Variants in ZNF160 observed in about 807,000 individuals in gnomAD.
The protein encoded by ZNF160 is zinc finger protein 160.
A neutral mutation model predicts 13.1 loss-of-function variants in ZNF160; 9 were observed. That is an observed-to-expected ratio of 0.69 (90% CI 0.41 to 1.20). ZNF160 has a LOEUF of 1.20. Among genes scored for constraint, ZNF160 ranks in the 50% most tolerant of loss-of-function variants. ZNF160 has a pLI of 0.01. For synonymous variants in ZNF160, 293 were observed against 333.2 expected (o/e 0.88, Z 1.31); for missense variants, 838 against 988.0 (o/e 0.85, Z 2.04).
Position 53,068,972 on chromosome 19 carries a change from C to A in ZNF160, c.1562G>T (p.Arg521Leu). Residue 521 changes from arginine to leucine, a missense_variant, in exon 6 of 6, where the codon CGT (arginine) becomes CTT (leucine). Physicochemically the swap from Arg to Leu is moderately radical, Grantham distance 102. This residue lies in a region of ZNF160 where 400 missense variants were observed against 538.9 expected (regional missense o/e 0.74). Coordinates refer to ENST00000683776, the MANE Select transcript of ZNF160 (RefSeq NM_001322131.2). Reference sequence around the variant, plus strand: ...TGCCTGATGGGTAGTCAGACTTGAACGAACACTGAAGGCTTTCCCACACTC... The same window carrying A: ...TGCCTGATGGGTAGTCAGACTTGAAAGAACACTGAAGGCTTTCCCACACTC... ...CNECGKAFSV[R>L]SSLTTHQAIH... 1 of 1,610,766 alleles carries A rather than the reference C, an allele frequency of 6.2e-7. No homozygotes were observed. Among genetic ancestry groups the A allele is most frequent in the Non-Finnish European group, 8.5e-7 (1 of 1,178,906 alleles).
At chr19:53,087,151 C>G (rs1360425251) in intron 2 of ZNF160, among the ~76,000 whole-genome samples, 1 of 152,138 alleles carries the variant, frequency 6.6e-6, no homozygotes, top group Non-Finnish European at 1.5e-5. Flanking sequence ...AGAGGGCCAG[C>G]CCACATGGAA....
intron 5 of ZNF160, chr19:53,073,128 C>T (rs1177149800): frequency 1.8e-5 from 23 of 1,267,510 alleles, no homozygotes; most frequent in Non-Finnish European, 2.4e-5. Flanking sequence ...TCTCCCTATT[C>T]CCTCCAGTCC....
At position 53,091,710 on chromosome 19, in the gene ZNF160, C is replaced by T. The variant is rs373266130; in HGVS notation, c.-343G>A. 6.6e-6 allele frequency: 1 copy of T among 152,328 alleles called. No individual in the cohort carries two copies. The highest frequency in any genetic ancestry group is 2.4e-5 in the African/African-American group (1 of 41,562). 9.4% of individuals were successfully genotyped at this position (152,328 alleles called of 1,614,324 possible). On this transcript the variant is annotated 5_prime_UTR_variant, in exon 2 of 6. It introduces an in-frame stop codon into an upstream open reading frame of the 5' UTR. Transcript: ENST00000683776. ...GTCGTCAGGGGGCAGTGTTCGGATC[C>T]AGGAACGTTTCTGCAATTAAAATTA...
At chr19:53,086,384 G>T in intron 2 of ZNF160, 63 bp from the exon 3 acceptor site, 1 of 1,426,254 alleles carries the variant, frequency 7.0e-7, no homozygotes, top group Non-Finnish European at 9.4e-7. Flanking sequence ...GCTGCTTAGG[G>T]CTGAGAATCT....
intron 2 of ZNF160, among the ~76,000 whole-genome samples, chr19:53,089,925 C>G (rs1194803147): frequency 1.3e-5 from 2 of 151,896 alleles, no homozygotes; most frequent in Non-Finnish European, 2.9e-5. Context: ...TCCCCCTGTT[C>G]TGCTCCATTC....
At position 53,068,898 on chromosome 19, in the gene ZNF160, A is replaced by C; in HGVS notation, c.1636T>G (p.Phe546Val). 6.2e-7 allele frequency: 1 copy of C among 1,614,070 alleles called. No individual in the cohort carries two copies. The highest frequency in any genetic ancestry group is 8.5e-7 in the Non-Finnish European group (1 of 1,180,008). The change falls in exon 6 of 6, where the codon TTC becomes GTC. Residue 546 changes from phenylalanine (F) to valine (V), a missense_variant. Phe to Val is a conservative substitution (Grantham distance 50, BLOSUM62 -1). This residue lies in a region of ZNF160 where 400 missense variants were observed against 538.9 expected (regional missense o/e 0.74). Transcript: ENST00000683776. ...PYKCIECGKS[F>V]TQKSHLRSHR... ...CTTCTAAGGTGTGATTTTTGAGTGA[A>C]GCTCTTGCCACATTCAATACATTTG...
In ZNF160 at chr19:53,067,812, G is replaced by T; in HGVS notation, c.*265C>A. On this transcript the variant is annotated 3_prime_UTR_variant, in exon 6 of 6. Transcript: ENST00000683776. The stretch of plus-strand genomic sequence containing the variant: ...TCCTAGGAATCCTCACTTACCATCG[G>T]TCACTGGGTAATGGCCTCAGGATGC... 2.7e-6 allele frequency: 1 copy of T among 374,166 alleles called. No individual in the cohort carries two copies. Among genetic ancestry groups the T allele is most frequent in the Non-Finnish European group, 4.8e-6 (1 of 209,602 alleles). The allele number at this position is 374,166 out of a possible 1,614,324, so 23.2% of individuals were successfully genotyped here.
chr19:53,068,626 A>C lies in ZNF160; in HGVS notation c.1908T>G (p.Leu636=). Residue 636 remains leucine, a synonymous_variant, in exon 6 of 6, where the codon CTT becomes CTG. Transcript: ENST00000683776. ...CGKVFRHNSY[L]ATHRRIHTGE... Reference sequence around the variant, plus strand: ...CAGTATGAATTCGCCGATGAGTTGCAAGGTATGAATTGTGCCTAAAAACCT... The same window carrying C: ...CAGTATGAATTCGCCGATGAGTTGCCAGGTATGAATTGTGCCTAAAAACCT... 6.2e-7 allele frequency: 1 copy of C among 1,613,634 alleles called. No homozygotes were observed. The highest frequency in any genetic ancestry group is 8.5e-7 in the Non-Finnish European group (1 of 1,179,912).
rs2145438186 is a variant in ZNF160 at position 53,069,330 on chromosome 19, A to G, written c.1204T>C (p.Cys402Arg). The G allele has an allele frequency of 6.2e-7, 1 of 1,613,920 alleles. No individual in the cohort carries two copies. Among genetic ancestry groups the G allele is most frequent in the Non-Finnish European group, 8.5e-7 (1 of 1,179,856 alleles). The change falls in exon 6 of 6, where the codon TGC becomes CGC. Residue 402 changes from cysteine to arginine, a missense_variant. This residue lies in a region of ZNF160 where 400 missense variants were observed against 538.9 expected (regional missense o/e 0.74). Transcript: ENST00000683776. This position sits in a 1 kb window ranked among gnomAD's most constrained non-coding sequence, Gnocchi z 4.4. ...GAACGAACACTAAAGGCTTTGCCGC[A>G]CTCATTGCACTTGTAAGGTTTCTCT... is the stretch of plus-strand genomic sequence containing the variant. The part of the protein sequence containing the change: ...TGEKPYKCNE[C>R]GKAFSVRSSL...
At chr19:53,094,451 T>G (rs897322810) in intron 1 of ZNF160, among the ~76,000 whole-genome samples, 3 of 152,130 alleles carry the variant, frequency 2.0e-5, no homozygotes, top group South Asian at 2.1e-4. Flanking sequence ...TAATTGCCAG[T>G]TCCAGGATGA....
chr19:53,079,705 GCAT>G (rs1440969406), intron 3 of ZNF160, among the ~76,000 whole-genome samples: 1 of 148,730 alleles, frequency 6.7e-6, no homozygotes, highest in East Asian at 2.0e-4. Context: ...AAACTTTTGT[GCAT>G]CAACAGATGC....
chr19:53,102,607 C>T (rs2085486784), intron 1 of ZNF160, among the ~76,000 whole-genome samples: 1 of 152,202 alleles, frequency 6.6e-6, no homozygotes, highest in African/African-American at 2.4e-5. Flanking sequence ...TCTCACCCAT[C>T]CTCCACTTTG....
intron 2 of ZNF160, among the ~76,000 whole-genome samples, chr19:53,087,637 G>A (rs1193152086): frequency 1.3e-5 from 2 of 152,008 alleles, no homozygotes; most frequent in African/African-American, 2.4e-5. Flanking sequence ...TGCAGCCTCC[G>A]CCTCCTGGGT....
In ZNF160 at chr19:53,070,011, T is replaced by G; in HGVS notation, c.523A>C (p.Lys175Gln). 6.2e-7 allele frequency: 1 copy of G among 1,614,062 alleles called. No homozygotes were observed. The highest frequency in any genetic ancestry group is 8.5e-7 in the Non-Finnish European group (1 of 1,179,980). ...DQRDRRDIEN[K>Q]LMNNQLGVSF... is the part of the protein sequence containing the mutation. ...ACTCCAAGCTGATTGTTCATAAGCT[T>G]GTTTTCTATGTCTCTTCTGTCGCGT... Residue 175 changes from lysine (K) to glutamine (Q), a missense_variant, in exon 6 of 6, where the codon AAG becomes CAG. By Grantham distance (53) the Lys-to-Gln change is moderately conservative. This residue lies in a region of ZNF160 where 387 missense variants were observed against 402.3 expected (regional missense o/e 0.96). Transcript: ENST00000683776.
intron 1 of ZNF160, among the ~76,000 whole-genome samples, chr19:53,101,267 G>A (rs924883895): frequency 1.1e-4 from 16 of 152,148 alleles, no homozygotes; most frequent in South Asian, 6.2e-4. Context: ...GTGAAAGAGC[G>A]AGACTGTCTC....
intron 3 of ZNF160, chr19:53,085,468 T>C (rs1334180967): frequency 6.6e-6 from 1 of 152,436 alleles, no homozygotes; most frequent in African/African-American, 2.4e-5. Context: ...AAAAGAAATA[T>C]ATACATGATG....
At position 53,069,300 on chromosome 19, in the gene ZNF160, G is replaced by A. The variant is rs774136446; in HGVS notation, c.1234C>T (p.Leu412=). The A allele has an allele frequency of 4.3e-6, 7 of 1,613,924 alleles. No homozygotes were observed. The Admixed American group carries it at 8.3e-5, about 19-fold the overall frequency. ...CGKAFSVRSS[L]AIHQTIHTGE... is the part of the protein sequence containing the mutation. ...GTGTGGATTGTCTGATGGATTGCTA[G>A]GCTTGAACGAACACTAAAGGCTTTG... The change falls in exon 6 of 6, where the codon CTA becomes TTA. Residue 412 remains leucine, a synonymous_variant. Transcript: ENST00000683776. This position sits in a 1 kb window ranked among gnomAD's most constrained non-coding sequence, Gnocchi z 4.4.
chr19:53,093,030 G>A (rs1026124616), intron 1 of ZNF160, among the ~76,000 whole-genome samples: 2 of 152,180 alleles, frequency 1.3e-5, no homozygotes, highest in African/African-American at 2.4e-5. Flanking sequence ...GAGAATAGTA[G>A]GGGTGAATCT....
chr19:53,070,057 C>G lies in ZNF160; in HGVS notation c.477G>C (p.Gln159His). ...CGCGTTGATCTCTTTTACCTTCTTTCTGGGCCATAAGCACTCCCTTGTAAT... is the reference window on the plus strand; with the variant it reads ...CGCGTTGATCTCTTTTACCTTCTTTGTGGGCCATAAGCACTCCCTTGTAAT... ...TGNYKGVLMAQKEGKRDQRDR... is the reference protein window; with the variant it reads ...TGNYKGVLMAHKEGKRDQRDR... The change falls in exon 6 of 6, where the codon CAG becomes CAC. Residue 159 changes from glutamine (Q) to histidine (H), a missense_variant. Coordinates refer to ENST00000683776, the MANE Select transcript of ZNF160 (RefSeq NM_001322131.2). 2.5e-6 allele frequency: 4 copies of G among 1,614,038 alleles called. 1 individual carries two copies. Among genetic ancestry groups the G allele is most frequent in the South Asian group, 2.2e-5 (2 of 91,078 alleles).
Sources: allele counts gnomAD v4.1 joint callset (sites outside exome capture counted in the v4.1 genomes callset), GRCh38; gene constraint gnomAD v4.1.1; regional missense constraint gnomAD v4.1.1; non-coding constraint Gnocchi (gnomAD v3.1); transcripts MANE v1.5; gene names NCBI Gene and HGNC (gene_info 2026-07-23, HGNC 2026-07-21).